The following CTXND1 variants were observed in gnomAD, a reference collection of about 807,000 sequenced individuals.
CTXND1 encodes cortexin domain-containing 1 protein.
rs1168962541 is a variant in CTXND1 at position 80,198,566 on chromosome 15, C to G, written c.*3204G>C. 6.6e-6 allele frequency: 1 copy of G among 152,260 alleles called. No homozygotes were observed. Among genetic ancestry groups the G allele is most frequent in the East Asian group, 1.9e-4 (1 of 5,202 alleles). The allele number at this position is 152,260 out of a possible 1,614,324, so 9.4% of individuals were successfully genotyped here. Reference sequence around the variant, plus strand: ...ATCACAAAGGACCATCTCCTCTATGCTTCAGCAGCATAATGCAACAACTGA... The same window carrying G: ...ATCACAAAGGACCATCTCCTCTATGGTTCAGCAGCATAATGCAACAACTGA... On this transcript the variant is annotated 3_prime_UTR_variant, in exon 3 of 3. Coordinates refer to ENST00000560778, the MANE Select transcript of CTXND1 (RefSeq NM_001352888.2).
intron 1 of CTXND1, among the ~76,000 whole-genome samples, chr15:80,204,162 AAAAAAAAATATAT>A (rs1457636825): frequency 3.0e-5 from 1 of 33,874 alleles, no homozygotes; most frequent in Non-Finnish European, 4.9e-5. Context: ...AAAAAAAAAA[AAAAAAAAATATAT>A]ATATATATAT....
At chr15:80,248,961 T>A (rs1456076986) in intron 1 of CTXND1, among the ~76,000 whole-genome samples, 3 of 147,192 alleles carry the variant, frequency 2.0e-5, no homozygotes, top group African/African-American at 7.5e-5. Context: ...TTTTTTTTTT[T>A]AATTTGGTAG....
intron 1 of CTXND1, among the ~76,000 whole-genome samples, chr15:80,214,209 A>T (rs553665234): frequency 6.6e-6 from 1 of 152,296 alleles, no homozygotes; most frequent in East Asian, 1.9e-4. Flanking sequence ...TAATGTCAAT[A>T]AATATTATTT....
chr15:80,234,765 A>T lies in CTXND1; in HGVS notation c.-218+17242T>A, dbSNP rs140176575. On this transcript the variant is annotated intron_variant, in intron 1 of 2. Transcript: ENST00000560778. ...ATTGCTGGGATTATAAGCGTGAGCC[A>T]CTGCTCCTGGCCTCAGCATACTCTT... Among the ~76,000 whole-genome samples the T allele has an allele frequency of 3.3e-3, 509 of 152,306 alleles. 5 individuals carry two copies. Among genetic ancestry groups the T allele is most frequent in the African/African-American group, 0.012 (484 of 41,556 alleles).
intron 1 of CTXND1, among the ~76,000 whole-genome samples, chr15:80,235,877 T>G (rs1170438273): frequency 6.6e-6 from 1 of 151,446 alleles, no homozygotes; most frequent in East Asian, 1.9e-4. Context: ...ACTAAATAAC[T>G]ACCTCATGGG....
intron 1 of CTXND1, among the ~76,000 whole-genome samples, chr15:80,205,674 A>AC (rs1404173178): frequency 1.3e-5 from 2 of 151,980 alleles, no homozygotes; most frequent in Admixed American, 6.6e-5. Flanking sequence ...GAGACACCAG[A>AC]CCCCTCGTTC....
chr15:80,202,020 G>A lies in CTXND1; in HGVS notation c.-65-6C>T, dbSNP rs561257552. ...ACTGGTACCATTTTCCACCCCTGCAGAGACAGCCACAGCAGTGGGGAAGGA... is the reference window on the plus strand; with the variant it reads ...ACTGGTACCATTTTCCACCCCTGCAAAGACAGCCACAGCAGTGGGGAAGGA... On this transcript the variant is annotated splice_region_variant and splice_polypyrimidine_tract_variant and intron_variant, in intron 2 of 2. Transcript: ENST00000560778. The A allele has an allele frequency of 4.5e-5, 18 of 398,584 alleles. No homozygotes were observed. The East Asian group carries it at 4.6e-4, about 10-fold the overall frequency. 24.7% of individuals were successfully genotyped at this position (398,584 alleles called of 1,614,324 possible).
At chr15:80,202,962 T>C (rs1308991986) in intron 2 of CTXND1, among the ~76,000 whole-genome samples, 2 of 152,224 alleles carry the variant, frequency 1.3e-5, no homozygotes, top group Non-Finnish European at 2.9e-5. Context: ...CATCTTGGGA[T>C]GATTTGCAAC....
chr15:80,242,032 C>G (rs995802127), intron 1 of CTXND1, among the ~76,000 whole-genome samples: 3 of 152,118 alleles, frequency 2.0e-5, no homozygotes, highest in African/African-American at 7.2e-5. Context: ...ATGAGGAGAC[C>G]GAGGCTCAGA....
chr15:80,222,192 G>A (rs1406605683), intron 1 of CTXND1, among the ~76,000 whole-genome samples: 1 of 151,944 alleles, frequency 6.6e-6, no homozygotes, highest in African/African-American at 2.4e-5. Flanking sequence ...CTTTTTGTAA[G>A]GGAAAATTTG....
chr15:80,206,236 A>G (rs1893146225), intron 1 of CTXND1, among the ~76,000 whole-genome samples: 1 of 152,252 alleles, frequency 6.6e-6, no homozygotes, highest in African/African-American at 2.4e-5. Context: ...ATATTTGTTT[A>G]CAGATTTCTT....
At position 80,200,385 on chromosome 15, in the gene CTXND1, C is replaced by G. The variant is rs1450800212; in HGVS notation, c.*1385G>C. On this transcript the variant is annotated 3_prime_UTR_variant, in exon 3 of 3. Transcript: ENST00000560778. ...GAGTGAGTTATTTGGGGTCCTCTAA[C>G]AAGGAAGTAGAGGAATTGGGACTTG... The G allele has an allele frequency of 6.6e-6, 1 of 152,144 alleles. No homozygotes were observed. The highest frequency in any genetic ancestry group is 1.5e-5 in the Non-Finnish European group (1 of 68,098). 9.4% of individuals were successfully genotyped at this position (152,144 alleles called of 1,614,324 possible).
chr15:80,223,620 T>A (rs1416475383), intron 1 of CTXND1, among the ~76,000 whole-genome samples: 1 of 152,184 alleles, frequency 6.6e-6, no homozygotes, highest in Non-Finnish European at 1.5e-5. Context: ...GTTTAATTGT[T>A]GCAATTATGG....
chr15:80,206,085 C>T (rs892601432), intron 1 of CTXND1, among the ~76,000 whole-genome samples: 4 of 152,196 alleles, frequency 2.6e-5, no homozygotes, highest in Admixed American at 1.3e-4. Flanking sequence ...TAGTTGTTAA[C>T]GTTTTGCTGC....
chr15:80,219,394 C>T (rs1893289147), intron 1 of CTXND1, among the ~76,000 whole-genome samples: 1 of 152,122 alleles, frequency 6.6e-6, no homozygotes, highest in Non-Finnish European at 1.5e-5. Context: ...GCATAGTATT[C>T]TGTGGTTGGA....
chr15:80,234,217 G>A (rs1595908944), intron 1 of CTXND1, among the ~76,000 whole-genome samples: 1 of 152,204 alleles, frequency 6.6e-6, no homozygotes, highest in Non-Finnish European at 1.5e-5. Flanking sequence ...AGGCTTTGGG[G>A]ATACGGATTG....
intron 1 of CTXND1, among the ~76,000 whole-genome samples, chr15:80,233,080 T>G (rs1595908747): frequency 6.6e-6 from 1 of 152,062 alleles, no homozygotes; most frequent in Non-Finnish European, 1.5e-5. Flanking sequence ...TATCTGGGAT[T>G]ATAGGCGCCC....
intron 1 of CTXND1, among the ~76,000 whole-genome samples, chr15:80,229,447 G>A (rs1893405822): frequency 1.3e-5 from 2 of 152,176 alleles, no homozygotes; most frequent in African/African-American, 2.4e-5. Flanking sequence ...TGAGTCATAC[G>A]TGGTGCTTGC....
At chr15:80,224,250 G>A (rs952861009) in intron 1 of CTXND1, among the ~76,000 whole-genome samples, 1 of 152,196 alleles carries the variant, frequency 6.6e-6, no homozygotes, top group African/African-American at 2.4e-5. Flanking sequence ...CCGACCGACT[G>A]CAATCAGCTG....
Sources: allele counts gnomAD v4.1 joint callset (sites outside exome capture counted in the v4.1 genomes callset), GRCh38; gene constraint gnomAD v4.1.1; transcripts MANE v1.5; gene names NCBI Gene and HGNC (gene_info 2026-07-23, HGNC 2026-07-21).